The following NEXN variants were observed in gnomAD, a reference collection of about 807,000 sequenced individuals.
NEXN encodes nexilin.
Under a neutral mutation model 92.6 loss-of-function variants are expected in NEXN, and 65 were observed. The observed-to-expected ratio is 0.70, with a 90% CI of 0.57 to 0.86. NEXN has a LOEUF of 0.86. Ranked by LOEUF, NEXN falls within the 40% of genes least tolerant of loss-of-function variation. The pLI, the probability that NEXN is intolerant of heterozygous loss-of-function variation, is 0.00. For synonymous variants in NEXN, 254 were observed against 242.5 expected (o/e 1.05, Z -0.44); for missense variants, 778 against 771.1 (o/e 1.01, Z -0.11).
intron 10 of NEXN, 78 bp downstream of exon 10, chr1:77,933,557 T>G: frequency 9.5e-7 from 1 of 1,047,496 alleles, no homozygotes; most frequent in Non-Finnish European, 1.4e-6. Context: ...ATAATAACTT[T>G]GTATTATTAT....
chr1:77,942,847 T>C lies in NEXN; in HGVS notation c.*18T>C. 2 of 1,586,624 alleles carry C rather than the reference T, an allele frequency of 1.3e-6. No individual in the cohort carries two copies. The highest frequency in any genetic ancestry group is 1.7e-6 in the Non-Finnish European group (2 of 1,163,578). On this transcript the variant is annotated 3_prime_UTR_variant, in exon 13 of 13. Transcript: ENST00000334785. ...AGAATTAATCACTCTTTTTATCTTTTATTCTATTAATTTTTTTTTCCTTAA... is the reference window on the plus strand; with the variant it reads ...AGAATTAATCACTCTTTTTATCTTTCATTCTATTAATTTTTTTTTCCTTAA...
intron 11 of NEXN, chr1:77,941,724 TTTCAG>T (rs1651328530): frequency 2.5e-6 from 1 of 406,440 alleles, no homozygotes; most frequent in East Asian, 5.2e-5. Context: ...TTCTGACCTT[TTTCAG>T]TTAAGTGCTA....
chr1:77,940,996 C>T (rs1651256766), intron 11 of NEXN, among the ~76,000 whole-genome samples: 1 of 152,148 alleles, frequency 6.6e-6, no homozygotes. Flanking sequence ...ACTACTTTAA[C>T]CACCTTCTAC....
intron 1 of NEXN, among the ~76,000 whole-genome samples, chr1:77,898,387 C>G (rs1010068053): frequency 6.6e-6 from 1 of 152,064 alleles, no homozygotes; most frequent in African/African-American, 2.4e-5. Flanking sequence ...CTTTGACAAA[C>G]CTGAGAAAAA....
intron 1 of NEXN, among the ~76,000 whole-genome samples, chr1:77,906,109 G>A (rs937196339): frequency 6.6e-6 from 1 of 151,998 alleles, no homozygotes; most frequent in Non-Finnish European, 1.5e-5. Context: ...CATAGAGAAG[G>A]AATGCTCAGA....
In NEXN at chr1:77,943,144, T is replaced by C; in HGVS notation, c.*315T>C. 5.6e-6 allele frequency: 2 copies of C among 354,422 alleles called. No individual in the cohort carries two copies. Among genetic ancestry groups the C allele is most frequent in the South Asian group, 4.8e-5 (2 of 42,012 alleles). The allele number at this position is 354,422 out of a possible 1,614,324, so 22.0% of individuals were successfully genotyped here. ...AGTAACAGTCAATAAAATGTACTTATGGGGGGGAATTACTCAATTATTCTA... is the reference window on the plus strand; with the variant it reads ...AGTAACAGTCAATAAAATGTACTTACGGGGGGGAATTACTCAATTATTCTA... On this transcript the variant is annotated 3_prime_UTR_variant, in exon 13 of 13. Coordinates refer to ENST00000334785, the MANE Select transcript of NEXN (RefSeq NM_144573.4).
rs531562660 is a variant in NEXN at position 77,908,181 on chromosome 1, G to T, written c.-52-7874G>T. ...CAACCTTGAACTCCTGGGCTCAAGC[G>T]ATCTTCCTGCTTCAGTGTCCCAAAT... On this transcript the variant is annotated intron_variant, in intron 1 of 12. Coordinates refer to ENST00000334785, the MANE Select transcript of NEXN (RefSeq NM_144573.4). Among the ~76,000 whole-genome samples the T allele has an allele frequency of 1.0e-3, 159 of 152,200 alleles. 3 individuals are homozygous for T. The South Asian group carries it at 0.032, about 31-fold the overall frequency.
chr1:77,922,940 T>C (rs1033912422), intron 5 of NEXN, among the ~76,000 whole-genome samples: 6 of 151,280 alleles, frequency 4.0e-5, no homozygotes, highest in Non-Finnish European at 2.9e-5. Context: ...TATTAAAGTA[T>C]AAAATAGATT....
chr1:77,918,566 T>G (rs1371699047), intron 5 of NEXN, among the ~76,000 whole-genome samples: 4 of 150,560 alleles, frequency 2.7e-5, no homozygotes, highest in Non-Finnish European at 2.9e-5. Flanking sequence ...TTCAGAAGGC[T>G]GAGGTAGGAG....
chr1:77,932,525 G>C (rs1396558499), intron 9 of NEXN, among the ~76,000 whole-genome samples: 1 of 152,120 alleles, frequency 6.6e-6, no homozygotes, highest in Non-Finnish European at 1.5e-5. Flanking sequence ...ATTTTTGCCT[G>C]ATTATGAAGA....
chr1:77,904,143 GC>G (rs1166962796), intron 1 of NEXN, among the ~76,000 whole-genome samples: 1 of 151,848 alleles, frequency 6.6e-6, no homozygotes, highest in African/African-American at 2.4e-5. Flanking sequence ...CAGGTATCTG[GC>G]ACCACACCCA....
At chr1:77,939,789 G>A (rs920876793) in intron 11 of NEXN, among the ~76,000 whole-genome samples, 3 of 152,178 alleles carry the variant, frequency 2.0e-5, no homozygotes, top group African/African-American at 7.2e-5. Flanking sequence ...AAACTTGTTA[G>A]CGGCTGAGCG....
rs548461498 is a variant in NEXN at position 77,914,419 on chromosome 1, TA to T, written c.-52-1627del. 1.9e-4 allele frequency among the ~76,000 whole-genome samples: 29 copies of T among 149,120 alleles called. No individual in the cohort carries two copies. The South Asian group carries it at 5.7e-3, about 29-fold the overall frequency. On this transcript the variant is annotated intron_variant, in intron 1 of 12. Transcript: ENST00000334785. ...GCTGTGAACCTAAAATAAACTCTAT[TA>T]AAAAAAAAGTTGGCTAGAAAATTCC...
intron 9 of NEXN, 142 bp downstream of exon 9, chr1:77,929,646 C>A (rs1650136248): frequency 9.7e-6 from 11 of 1,128,570 alleles, no homozygotes; most frequent in Non-Finnish European, 1.4e-5. Context: ...TTAAAGTCTC[C>A]CATGGAATAA....
intron 10 of NEXN, among the ~76,000 whole-genome samples, chr1:77,935,111 T>A (rs1650639761): frequency 6.6e-6 from 1 of 152,196 alleles, no homozygotes; most frequent in South Asian, 2.1e-4. Context: ...TCACCCAGCC[T>A]GGAGTGCAGT....
intron 11 of NEXN, among the ~76,000 whole-genome samples, chr1:77,937,975 A>G (rs1650915426): frequency 2.0e-5 from 3 of 152,222 alleles, no homozygotes; most frequent in Admixed American, 6.5e-5. Flanking sequence ...TAGGTCTGGT[A>G]TGGAAAGGAC....
chr1:77,923,282 A>C (rs1177577996), intron 5 of NEXN, among the ~76,000 whole-genome samples: 1 of 149,936 alleles, frequency 6.7e-6, no homozygotes, highest in Admixed American at 6.7e-5. Flanking sequence ...GGCATGAGCC[A>C]CCATGCCTGG....
chr1:77,905,952 A>T (rs963552963), intron 1 of NEXN, among the ~76,000 whole-genome samples: 1 of 152,150 alleles, frequency 6.6e-6, no homozygotes, highest in Non-Finnish European at 1.5e-5. Context: ...GGGTAAAAAG[A>T]GATGAGGCTA....
At chr1:77,935,736 TAAACAC>T in intron 10 of NEXN, 81 bp from the exon 11 acceptor site, 1 of 1,230,770 alleles carries the variant, frequency 8.1e-7, no homozygotes, top group East Asian at 2.4e-5. Flanking sequence ...GAGGATTGCT[TAAACAC>T]AGGAATTCAA....
Sources: allele counts gnomAD v4.1 joint callset (sites outside exome capture counted in the v4.1 genomes callset), GRCh38; gene constraint gnomAD v4.1.1; transcripts MANE v1.5; gene names NCBI Gene and HGNC (gene_info 2026-07-23, HGNC 2026-07-21).